Variants in FOXP2 observed in about 807,000 individuals in gnomAD.
FOXP2 encodes the protein forkhead box protein P2.
FOXP2 carries 12 observed loss-of-function variants against 115.8 expected under a neutral mutation model. The ratio of observed to expected loss-of-function variants is 0.10; its 90% CI spans 0.07 to 0.17. The LOEUF (loss-of-function observed/expected upper bound fraction) is 0.17, where lower values mean the gene tolerates loss of function less well. Among genes scored for constraint, FOXP2 ranks in the 10% least tolerant of loss-of-function variants. The probability of loss-of-function intolerance (pLI) is 1.00; values close to 1 mark genes in which losing one functional copy is unlikely to be tolerated. For synonymous variants in FOXP2, 328 were observed against 297.7 expected, an observed-to-expected ratio of 1.10 and a Z score of -1.05; for missense variants, 629 against 843.5, an observed-to-expected ratio of 0.75 and a Z score of 3.15.
chr7:114,597,063 T>G lies in FOXP2; in HGVS notation c.259-31477T>G, dbSNP rs535819763. ...CTTTTGGTAGTGTGTAAGAAAAAAT[T>G]GGGGGCTCTTCTCAATGCTCATTTT... On this transcript the variant is annotated intron_variant, in intron 3 of 16. Coordinates refer to ENST00000350908, the MANE Select transcript of FOXP2 (RefSeq NM_014491.4). Among the ~76,000 whole-genome samples, 6 of 152,170 alleles carry G rather than the reference T, an allele frequency of 3.9e-5. No individual in the cohort carries two copies. The East Asian group carries it at 1.2e-3, about 29-fold the overall frequency.
At chr7:114,659,746 C>G (rs924374442) in intron 13 of FOXP2, 73 bp downstream of exon 13, 6 of 1,189,686 alleles carry the variant, frequency 5.0e-6, no homozygotes, top group Non-Finnish European at 6.3e-6. Context: ...CATTTATTTA[C>G]ATGACATAAG....
At chr7:114,545,950 C>G (rs1340335872) in intron 3 of FOXP2, among the ~76,000 whole-genome samples, 1 of 152,110 alleles carries the variant, frequency 6.6e-6, no homozygotes, top group East Asian at 1.9e-4. Flanking sequence ...GTTAATGCAT[C>G]TATTCTTATA....
intron 2 of FOXP2, among the ~76,000 whole-genome samples, chr7:114,356,621 G>C (rs1216422044): frequency 1.3e-5 from 2 of 152,134 alleles, no homozygotes; most frequent in Non-Finnish European, 2.9e-5. Flanking sequence ...ATCAAGGAAA[G>C]ATTTGTGAAT....
rs373286903 is a variant in FOXP2, at chr7:114,426,511, C to T, written c.-1C>T. On this transcript the variant is annotated 5_prime_UTR_variant, in exon 2 of 17. Coordinates refer to ENST00000350908, the MANE Select transcript of FOXP2 (RefSeq NM_014491.4). ...TCTTAATCACTTTTAGGTATTAAGT[C>T]ATGATGCAGGAATCTGCGACAGAGA... 4 of 1,610,700 alleles carry T rather than the reference C, an allele frequency of 2.5e-6. No homozygotes were observed. The highest frequency in any genetic ancestry group is 3.4e-6 in the Non-Finnish European group (4 of 1,177,804).
intron 1 of FOXP2, among the ~76,000 whole-genome samples, chr7:114,142,055 G>A (rs564052546): frequency 4.6e-5 from 7 of 151,772 alleles, no homozygotes; most frequent in South Asian, 2.1e-4. Flanking sequence ...ACTGAGTCTC[G>A]CTCTGTCGCC....
chr7:114,211,318 A>G (rs1026859414), intron 1 of FOXP2, among the ~76,000 whole-genome samples: 1 of 152,196 alleles, frequency 6.6e-6, no homozygotes, highest in Non-Finnish European at 1.5e-5. Flanking sequence ...AGCTCTGTGT[A>G]TCAGACCCAA....
At chr7:114,605,981 C>A (rs1008226129) in intron 3 of FOXP2, among the ~76,000 whole-genome samples, 1 of 152,010 alleles carries the variant, frequency 6.6e-6, no homozygotes, top group African/African-American at 2.4e-5. Context: ...TCTTCAGAGA[C>A]TGTAACAATA....
intron 3 of FOXP2, among the ~76,000 whole-genome samples, chr7:114,542,061 G>A (rs1412058925): frequency 2.0e-5 from 3 of 151,996 alleles, no homozygotes; most frequent in African/African-American, 7.2e-5. Flanking sequence ...GATTATTTGT[G>A]TTTCCTCTGT....
At chr7:114,593,241 GA>G (rs146369221) in intron 3 of FOXP2, among the ~76,000 whole-genome samples, 11 of 150,026 alleles carry the variant, frequency 7.3e-5, no homozygotes, top group Admixed American at 1.3e-4. Context: ...TAAGCAAAAA[GA>G]AAAAAAAATC....
intron 2 of FOXP2, among the ~76,000 whole-genome samples, chr7:114,513,760 A>G (rs1049038359): frequency 3.9e-4 from 60 of 152,250 alleles, no homozygotes; most frequent in Middle Eastern, 3.4e-3. Context: ...GGTAAATTTC[A>G]GCTAAAAAGT....
intron 2 of FOXP2, among the ~76,000 whole-genome samples, chr7:114,383,894 G>T (rs1433276981): frequency 1.3e-5 from 2 of 152,178 alleles, no homozygotes; most frequent in Non-Finnish European, 1.5e-5. Flanking sequence ...TTTCCAGGGT[G>T]CGTAACCACC....
intron 2 of FOXP2, among the ~76,000 whole-genome samples, chr7:114,293,200 T>C (rs970356655): frequency 6.6e-6 from 1 of 152,178 alleles, no homozygotes; most frequent in Non-Finnish European, 1.5e-5. Flanking sequence ...TGTTTGCTGG[T>C]ATGTTGCTTT....
At chr7:114,354,325 C>T (rs576064676) in intron 2 of FOXP2, among the ~76,000 whole-genome samples, 4 of 152,154 alleles carry the variant, frequency 2.6e-5, no homozygotes, top group East Asian at 1.9e-4. Context: ...TGGGACTTCT[C>T]GGCCTCCATA....
chr7:114,168,115 G>T lies in FOXP2; in HGVS notation c.-102+5027G>T, dbSNP rs146392141. 4.3e-3 allele frequency among the ~76,000 whole-genome samples: 654 copies of T among 152,184 alleles called. 5 individuals are homozygous for T. Among genetic ancestry groups the T allele is most frequent in the African/African-American group, 0.015 (620 of 41,506 alleles). The stretch of plus-strand genomic sequence containing the variant: ...TCCTGTATAAATTACCCAGTCTTGG[G>T]TATGTCTTTATGAGCAGTGTGAAAA... On this transcript the variant is annotated intron_variant, in intron 1 of 17. Coordinates refer to the FOXP2 transcript ENST00000634411.
chr7:114,139,974 G>A (rs921116698), intron 1 of FOXP2, among the ~76,000 whole-genome samples: 7 of 152,002 alleles, frequency 4.6e-5, no homozygotes, highest in Non-Finnish European at 7.4e-5. Context: ...TTAGCCAAGC[G>A]TGGTGGCAGG....
chr7:114,198,307 G>A (rs573997055), intron 1 of FOXP2, among the ~76,000 whole-genome samples: 1 of 152,208 alleles, frequency 6.6e-6, no homozygotes, highest in East Asian at 1.9e-4. Context: ...TATTGGAAGT[G>A]GTCATAGAAA....
chr7:114,346,474 G>T (rs1444995697), intron 2 of FOXP2, among the ~76,000 whole-genome samples: 2 of 151,810 alleles, frequency 1.3e-5, no homozygotes, highest in Admixed American at 1.3e-4. Context: ...AGATATCTCT[G>T]CAGTCTGCTG....
intron 2 of FOXP2, among the ~76,000 whole-genome samples, chr7:114,530,685 A>T (rs533813865): frequency 6.6e-6 from 1 of 151,878 alleles, no homozygotes; most frequent in Non-Finnish European, 1.5e-5. Context: ...AAGCATTTTC[A>T]TCCTTAGTTA....
At chr7:114,609,019 C>T (rs901155933) in intron 3 of FOXP2, among the ~76,000 whole-genome samples, 3 of 151,706 alleles carry the variant, frequency 2.0e-5, no homozygotes, top group Non-Finnish European at 2.9e-5. Context: ...AGCAACATGA[C>T]GAAACCCCGT....
Sources: gnomAD v4.1 joint callset for allele counts (sites outside exome capture counted in the v4.1 genomes callset) on GRCh38, gnomAD v4.1.1 for gene constraint, MANE v1.5 for transcripts, NCBI Gene and HGNC (gene_info 2026-07-23, HGNC 2026-07-21) for gene names.